Variants in WDR49 observed in about 807,000 individuals in gnomAD.
The protein encoded by WDR49 is cilia- and flagella-associated protein 337.
WDR49 carries 107 observed loss-of-function variants against 119.5 expected under a neutral mutation model. The observed-to-expected ratio is 0.90, with a 90% CI of 0.77 to 1.05. WDR49 has a LOEUF of 1.05. WDR49 is among the 50% of genes least tolerant of loss of function. The pLI is 0.00. For synonymous variants in WDR49, 425 were observed against 418.8 expected (o/e 1.01, Z -0.18); for missense variants, 1,240 against 1,220.5 (o/e 1.02, Z -0.24).
intron 16 of WDR49, among the ~76,000 whole-genome samples, chr3:167,516,788 A>T (rs185527967): frequency 4.5e-3 from 686 of 152,216 alleles, no homozygotes; most frequent in African/African-American, 0.014. Flanking sequence ...CAACCTACAG[A>T]ATGGGAGAAA....
chr3:167,485,766 C>A (rs978158884), intron 18 of WDR49, among the ~76,000 whole-genome samples: 3 of 151,904 alleles, frequency 2.0e-5, no homozygotes, highest in African/African-American at 7.3e-5. Context: ...TATAAAGAGA[C>A]CAAATCTAGG....
chr3:167,548,585 A>G (rs1712350479), intron 10 of WDR49, among the ~76,000 whole-genome samples: 1 of 152,134 alleles, frequency 6.6e-6, no homozygotes, highest in Non-Finnish European at 1.5e-5. Flanking sequence ...AATCATATCT[A>G]CACACTATAA....
At chr3:167,602,839 T>C (rs1715847980) in intron 6 of WDR49, among the ~76,000 whole-genome samples, 1 of 152,172 alleles carries the variant, frequency 6.6e-6, no homozygotes, top group African/African-American at 2.4e-5. Context: ...TACTGTACCT[T>C]TTATATGTTT....
chr3:167,608,066 A>G (rs1416786880), intron 5 of WDR49, among the ~76,000 whole-genome samples: 1 of 152,188 alleles, frequency 6.6e-6, no homozygotes, highest in Non-Finnish European at 1.5e-5. Flanking sequence ...AATTTCAGGA[A>G]CATAAAGTCC....
chr3:167,608,653 A>G (rs1374843918), intron 5 of WDR49, among the ~76,000 whole-genome samples: 1 of 152,184 alleles, frequency 6.6e-6, no homozygotes, highest in African/African-American at 2.4e-5. Flanking sequence ...TTATCTGATA[A>G]ATAAAAATGT....
At chr3:167,540,930 A>T (rs1337101183) in intron 10 of WDR49, among the ~76,000 whole-genome samples, 1 of 152,100 alleles carries the variant, frequency 6.6e-6, no homozygotes, top group African/African-American at 2.4e-5. Flanking sequence ...TCAACAATAG[A>T]ATCAAACAAG....
intron 7 of WDR49, among the ~76,000 whole-genome samples, chr3:167,597,604 A>C (rs1240579645): frequency 1.3e-5 from 2 of 152,052 alleles, no homozygotes; most frequent in Non-Finnish European, 2.9e-5. Flanking sequence ...CAGCTTGTAA[A>C]AGCAGCCACA....
intron 8 of WDR49, among the ~76,000 whole-genome samples, chr3:167,564,188 A>C (rs1713446206): frequency 6.6e-6 from 1 of 152,184 alleles, no homozygotes; most frequent in South Asian, 2.1e-4. Context: ...GTGAAATCTA[A>C]GTCAGTCATG....
intron 10 of WDR49, among the ~76,000 whole-genome samples, chr3:167,546,874 A>G (rs1489336442): frequency 6.6e-6 from 1 of 151,724 alleles, no homozygotes; most frequent in African/African-American, 2.4e-5. Flanking sequence ...TGTCTTGTTA[A>G]TGCCTGTTCT....
chr3:167,579,720 T>C (rs190130824), intron 7 of WDR49, among the ~76,000 whole-genome samples: 6 of 152,262 alleles, frequency 3.9e-5, no homozygotes, highest in South Asian at 2.1e-4. Context: ...ATGTTTATCT[T>C]AAAAAACATG....
chr3:167,533,745 C>T (rs1752927358), intron 11 of WDR49, among the ~76,000 whole-genome samples: 1 of 152,008 alleles, frequency 6.6e-6, no homozygotes, highest in Admixed American at 6.6e-5. Flanking sequence ...CAACCATGTC[C>T]TGTGGAGGAA....
At chr3:167,637,144 T>C (rs1717656655) in intron 2 of WDR49, among the ~76,000 whole-genome samples, 1 of 151,966 alleles carries the variant, frequency 6.6e-6, no homozygotes, top group Admixed American at 6.6e-5. Context: ...TTTAAGTCTT[T>C]GATCCATCTT....
intron 2 of WDR49, among the ~76,000 whole-genome samples, chr3:167,646,393 T>C (rs1413252094): frequency 1.3e-5 from 2 of 152,134 alleles, no homozygotes; most frequent in Non-Finnish European, 2.9e-5. Flanking sequence ...ACATGGGCAG[T>C]CTGATGTGTT....
chr3:167,605,741 A>T (rs1423130212), intron 5 of WDR49, among the ~76,000 whole-genome samples: 1 of 152,202 alleles, frequency 6.6e-6, no homozygotes, highest in Non-Finnish European at 1.5e-5. Flanking sequence ...TGGGAAACAA[A>T]AGGTAAATTG....
intron 13 of WDR49, among the ~76,000 whole-genome samples, chr3:167,529,543 T>C (rs1481915979): frequency 6.6e-6 from 1 of 152,132 alleles, no homozygotes; most frequent in Non-Finnish European, 1.5e-5. Flanking sequence ...GAATTGTTTC[T>C]TCAGATAAAA....
chr3:167,601,570 T>C (rs1715772349), intron 7 of WDR49, among the ~76,000 whole-genome samples: 2 of 152,158 alleles, frequency 1.3e-5, no homozygotes, highest in African/African-American at 2.4e-5. Flanking sequence ...AATAGTGTTG[T>C]CAGGATTCAA....
chr3:167,538,991 T>A (rs910507369), intron 10 of WDR49, among the ~76,000 whole-genome samples: 2 of 152,158 alleles, frequency 1.3e-5, no homozygotes, highest in Admixed American at 6.6e-5. Context: ...TTTTCAGAAT[T>A]ATTTCCCTCT....
intron 2 of WDR49, among the ~76,000 whole-genome samples, chr3:167,640,672 G>A (rs1717840163): frequency 6.6e-6 from 1 of 151,830 alleles, no homozygotes; most frequent in South Asian, 2.1e-4. Flanking sequence ...TGAGTTATGT[G>A]CAAGACCCCA....
At chr3:167,483,897 G>A (rs1750820551) in intron 18 of WDR49, among the ~76,000 whole-genome samples, 1 of 152,126 alleles carries the variant, frequency 6.6e-6, no homozygotes, top group Non-Finnish European at 1.5e-5. Flanking sequence ...CAAAAATGAT[G>A]TCATTAACTT....
Sources: gnomAD v4.1 joint callset for allele counts (sites outside exome capture counted in the v4.1 genomes callset) on GRCh38, gnomAD v4.1.1 for gene constraint, MANE v1.5 for transcripts, NCBI Gene and HGNC (gene_info 2026-07-23, HGNC 2026-07-21) for gene names.